CLTC: variants seen among roughly 807,000 people sequenced by gnomAD.
CLTC encodes the protein clathrin heavy chain 1.
In CLTC, 16 loss-of-function variants were observed where a neutral mutation model predicts 195.8. The ratio of observed to expected loss-of-function variants is 0.08; its 90% confidence interval spans 0.06 to 0.12. The LOEUF (loss-of-function observed/expected upper bound fraction) is 0.12. Among genes scored for constraint, CLTC ranks in the 10% least tolerant of loss-of-function variants. The pLI, the probability that CLTC is intolerant of heterozygous loss-of-function variation, is 1.00. For missense variants in CLTC, 796 were observed against 2,027.0 expected (o/e 0.39, Z 11.66); for synonymous variants, 667 against 689.4 (o/e 0.97, Z 0.51).
At chr17:59,625,710 A>G (rs1202094795) in intron 1 of CLTC, among the ~76,000 whole-genome samples, 1 of 152,230 alleles carries the variant, frequency 6.6e-6, no homozygotes. Context: ...CAGTGATCCC[A>G]AACATACTTA....
intron 1 of CLTC, among the ~76,000 whole-genome samples, chr17:59,634,066 G>A (rs986582392): frequency 3.3e-5 from 5 of 151,988 alleles, no homozygotes; most frequent in African/African-American, 9.7e-5. Flanking sequence ...ACACCACCAC[G>A]CCTGGACAGT....
At position 59,694,558 on chromosome 17, in the gene CLTC, A is replaced by AT. The variant is rs2033380175; in HGVS notation, c.*708dup. On this transcript the variant is annotated 3_prime_UTR_variant, in exon 32 of 32. Coordinates refer to ENST00000269122, the MANE Select transcript of CLTC (RefSeq NM_004859.4). ...TATCCTGTGCTTTTTCTGTGGGACC[A>AT]TTCCATTCAGGAGCAAAGAGCACCA... 4.4e-6 allele frequency: 1 copy of AT among 227,904 alleles called. No individual in the cohort carries two copies. The highest frequency in any genetic ancestry group is 5.7e-5 in the Admixed American group (1 of 17,578). 14.1% of individuals were successfully genotyped at this position (227,904 alleles called of 1,614,324 possible).
At chr17:59,659,720 T>G (rs2032565332) in intron 6 of CLTC, among the ~76,000 whole-genome samples, 1 of 152,142 alleles carries the variant, frequency 6.6e-6, no homozygotes, top group Non-Finnish European at 1.5e-5. Flanking sequence ...AGTGCTGGGA[T>G]TACAGGCGTG....
intron 5 of CLTC, among the ~76,000 whole-genome samples, chr17:59,653,508 T>C (rs901637491): frequency 6.0e-5 from 9 of 150,252 alleles, no homozygotes; most frequent in African/African-American, 2.2e-4. Context: ...TCCCTCTCCT[T>C]CTGCCTCTCC....
intron 1 of CLTC, among the ~76,000 whole-genome samples, chr17:59,637,324 A>G (rs902831183): frequency 1.3e-5 from 2 of 151,360 alleles, no homozygotes; most frequent in Non-Finnish European, 2.9e-5. Flanking sequence ...GGCTCACTGC[A>G]AGCTCCGCCT....
intron 9 of CLTC, chr17:59,664,568 G>T (rs3863508): frequency 5.3e-5 from 12 of 226,066 alleles, no homozygotes; most frequent in African/African-American, 3.3e-4. Flanking sequence ...AAAAAAAAAA[G>T]AAAAGAAAAG....
Position 59,683,345 on chromosome 17 carries a change from A to G in CLTC, c.4042-42A>G. The G allele has an allele frequency of 6.2e-7, 1 of 1,603,296 alleles. No homozygotes were observed. Among genetic ancestry groups the G allele is most frequent in the Non-Finnish European group, 8.5e-7 (1 of 1,174,604 alleles). ...ATATCTTATTCTTTTTAAGGCTGTT[A>G]GCTAGACTCATATCTAAAGCAATTA... On this transcript the variant is annotated intron_variant, in intron 25 of 31. Transcript: ENST00000269122. The surrounding 1 kb of genome is among the most constrained non-coding windows in gnomAD (Gnocchi z 6.1).
intron 1 of CLTC, among the ~76,000 whole-genome samples, chr17:59,637,726 C>T (rs533789866): frequency 1.4e-5 from 2 of 147,226 alleles, no homozygotes; most frequent in East Asian, 4.0e-4. Context: ...ATTAGCTGGG[C>T]ATGGTGGCGT....
chr17:59,680,847 G>C lies in CLTC; in HGVS notation c.2920-65G>C, dbSNP rs1169575532. The C allele has an allele frequency of 8.1e-6, 11 of 1,353,734 alleles. No individual in the cohort carries two copies. The East Asian group carries it at 2.7e-4, about 33-fold the overall frequency. The allele number at this position is 1,353,734 out of a possible 1,614,324, so 83.9% of individuals were successfully genotyped here. On this transcript the variant is annotated intron_variant, in intron 18 of 31. Transcript: ENST00000269122. ...CCTATTTCAAGTTTTCTAATGAGAG[G>C]CCAACTTACGCTTTTTTAAAACCAA...
Position 59,683,318 on chromosome 17 carries a change from A to G in CLTC, c.4041+56A>G, listed in dbSNP as rs2033116191. 3 of 1,602,430 alleles carry G rather than the reference A, an allele frequency of 1.9e-6. No homozygotes were observed. The highest frequency in any genetic ancestry group is 1.1e-5 in the South Asian group (1 of 90,138). On this transcript the variant is annotated intron_variant, in intron 25 of 31. Coordinates refer to ENST00000269122, the MANE Select transcript of CLTC (RefSeq NM_004859.4). This position sits in a 1 kb window ranked among gnomAD's most constrained non-coding sequence, Gnocchi z 6.1. ...CTGTGTAGTTAAAACTAATGCTTCA[A>G]AATATCTTATTCTTTTTAAGGCTGT... is the stretch of plus-strand genomic sequence containing the variant.
Position 59,681,442 on chromosome 17 carries a change from T to C in CLTC, c.3213T>C (p.Ile1071=). 2 of 1,614,044 alleles carry C rather than the reference T, an allele frequency of 1.2e-6. No homozygotes were observed. Among genetic ancestry groups the C allele is most frequent in the South Asian group, 1.1e-5 (1 of 91,082 alleles). Reference sequence around the variant, plus strand: ...AGCTGTTTGAAGAAGCATTTGCCATTTTCCGGAAATTTGATGTCAATACTT... The same window carrying C: ...AGCTGTTTGAAGAAGCATTTGCCATCTTCCGGAAATTTGATGTCAATACTT... ...SNELFEEAFA[I]FRKFDVNTSA... is the part of the protein sequence containing the mutation. The change falls in exon 20 of 32, where the codon ATT becomes ATC. Residue 1071 remains isoleucine, a synonymous_variant. Coordinates refer to ENST00000269122, the MANE Select transcript of CLTC (RefSeq NM_004859.4). This position sits in a 1 kb window ranked among gnomAD's most constrained non-coding sequence, Gnocchi z 5.0.
intron 17 of CLTC, among the ~76,000 whole-genome samples, chr17:59,678,648 T>C (rs1358943482): frequency 6.6e-6 from 1 of 152,234 alleles, no homozygotes; most frequent in South Asian, 2.1e-4. Context: ...GCTCATTTTG[T>C]ACCTTCAGCA....
chr17:59,624,752 AGCT>A (rs1211188164), intron 1 of CLTC, among the ~76,000 whole-genome samples: 1 of 152,110 alleles, frequency 6.6e-6, no homozygotes, highest in East Asian at 1.9e-4. Context: ...TATAGGCATG[AGCT>A]GCTGCTCCTG....
At chr17:59,647,279 G>T in intron 2 of CLTC, 119 bp from the exon 3 acceptor site, 2 of 731,934 alleles carry the variant, frequency 2.7e-6, no homozygotes, top group Non-Finnish European at 4.4e-6. Context: ...CTGCTGTATC[G>T]ATGCAACTCG....
At chr17:59,650,617 A>G (rs919699370) in intron 4 of CLTC, among the ~76,000 whole-genome samples, 1 of 151,068 alleles carries the variant, frequency 6.6e-6, no homozygotes, top group East Asian at 2.0e-4. Flanking sequence ...CCTCCCGAGT[A>G]TCAGCTGACT....
intron 1 of CLTC, among the ~76,000 whole-genome samples, chr17:59,622,760 C>T (rs2031422666): frequency 6.6e-6 from 1 of 152,016 alleles, no homozygotes; most frequent in South Asian, 2.1e-4. Context: ...TTCTGAAACA[C>T]GTAGGATAAA....
At chr17:59,661,667 A>G (rs777154103) in intron 8 of CLTC, 24 bp downstream of exon 8, 1 of 1,606,428 alleles carries the variant, frequency 6.2e-7, no homozygotes, top group East Asian at 2.2e-5. Context: ...TGTTGACATA[A>G]TCTTGCTTTG....
chr17:59,642,419 G>C (rs2032064197), intron 1 of CLTC, among the ~76,000 whole-genome samples: 1 of 152,188 alleles, frequency 6.6e-6, no homozygotes. Flanking sequence ...AATTCTTACA[G>C]GGTAGCTTAG....
In CLTC at chr17:59,666,697, C is replaced by G; in HGVS notation, c.1947+53C>G. ...GTGTTAGTTGTGATTAATAGGTACA[C>G]TGAAAATGTGTTTGTGGTACTAAAT... On this transcript the variant is annotated intron_variant, in intron 12 of 31. Transcript: ENST00000269122. This position sits in a 1 kb window ranked among gnomAD's most constrained non-coding sequence, Gnocchi z 4.9. 1 of 1,567,466 alleles carries G rather than the reference C, an allele frequency of 6.4e-7. No homozygotes were observed. Among genetic ancestry groups the G allele is most frequent in the Non-Finnish European group, 8.7e-7 (1 of 1,148,106 alleles).
Sources: allele counts gnomAD v4.1 joint callset (sites outside exome capture counted in the v4.1 genomes callset), GRCh38; gene constraint gnomAD v4.1.1; non-coding constraint Gnocchi (gnomAD v3.1); transcripts MANE v1.5; gene names NCBI Gene and HGNC (gene_info 2026-07-23, HGNC 2026-07-21).